The following TREM1 variants were observed in gnomAD, a reference collection of about 807,000 sequenced individuals.
TREM1 encodes the protein triggering receptor expressed on myeloid cells 1, also known as triggering receptor expressed on monocytes 1.
Under a neutral mutation model 22.4 loss-of-function variants are expected in TREM1, and 16 were observed. The ratio of observed to expected loss-of-function variants is 0.71; its 90% CI spans 0.48 to 1.08. The LOEUF (loss-of-function observed/expected upper bound fraction) is 1.08, where lower values mean the gene tolerates loss of function less well. TREM1 is among the 50% of genes least tolerant of loss of function. The pLI is 0.00. For missense variants in TREM1, 283 were observed against 282.9 expected, an observed-to-expected ratio of 1.00 and a Z score of 0.00; for synonymous variants, 110 against 111.6, an observed-to-expected ratio of 0.99 and a Z score of 0.09.
chr6:41,268,222 G>A, intron 3 of TREM1: 1 of 397,062 alleles, frequency 2.5e-6, no homozygotes, highest in Non-Finnish European at 4.4e-6. Flanking sequence ...ATCTGTACGG[G>A]ATGCTGCTTC....
chr6:41,277,736 A>G (rs1767728024), intron 3 of TREM1, among the ~76,000 whole-genome samples: 1 of 152,040 alleles, frequency 6.6e-6, no homozygotes, highest in South Asian at 2.1e-4. Flanking sequence ...TTATAGGGAC[A>G]ACTCCAAATG....
chr6:41,270,183 T>C (rs932534324), downstream of TREM1: 2 of 152,204 alleles, frequency 1.3e-5, no homozygotes, highest in Non-Finnish European at 2.9e-5. Context: ...TCTGTCCTTC[T>C]AGCAGGCACA....
chr6:41,278,953 G>C (rs550519427), intron 3 of TREM1, among the ~76,000 whole-genome samples: 126 of 152,216 alleles, frequency 8.3e-4, no homozygotes, highest in African/African-American at 2.9e-3. Context: ...AAACTCCTGG[G>C]GCTGGGGTCA....
intron 2 of TREM1, chr6:41,281,391 G>A: frequency 1.6e-5 from 8 of 504,026 alleles, no homozygotes; most frequent in South Asian, 3.1e-5. Context: ...AAAAAGGAAA[G>A]AAGAAAAAAA....
In TREM1 at chr6:41,278,647, A is replaced by G. The variant is rs532588926; in HGVS notation, c.599+2314T>C. On this transcript the variant is annotated intron_variant, in intron 3 of 3. Coordinates refer to ENST00000244709, the MANE Select transcript of TREM1 (RefSeq NM_018643.5). ...ACTCCAGCCTGATTGACAGAGTGAG[A>G]CCGTGTCTCAAAAAAAAAAAGAAAA... is the stretch of plus-strand genomic sequence containing the variant. 6.4e-3 allele frequency among the ~76,000 whole-genome samples: 969 copies of G among 150,480 alleles called. 7 individuals carry two copies. The highest frequency in any genetic ancestry group is 0.023 in the African/African-American group (917 of 40,578).
Position 41,276,234 on chromosome 6 carries a change from C to A in TREM1, c.600-4G>T, listed in dbSNP as rs773665555. 2 of 1,612,042 alleles carry A rather than the reference C, an allele frequency of 1.2e-6. No individual in the cohort carries two copies. The highest frequency in any genetic ancestry group is 1.1e-5 in the South Asian group (1 of 91,012). On this transcript the variant is annotated splice_region_variant and splice_polypyrimidine_tract_variant and intron_variant, in intron 3 of 3. Transcript: ENST00000244709. ...GACAATGTTGAACACCGGAACCCTG[C>A]GGGAGACAAGAGGCTGAACGCTACT...
At chr6:41,268,025 C>A (rs1026309806) in exon 4 of TREM1, 3 of 398,504 alleles carry the variant, frequency 7.5e-6, no homozygotes, top group Admixed American at 4.4e-5. Flanking sequence ...GCCCAGTGTG[C>A]AGTGGTGGGA....
chr6:41,277,217 G>A lies in TREM1; in HGVS notation c.600-987C>T, dbSNP rs963083734. On this transcript the variant is annotated intron_variant, in intron 3 of 3. Coordinates refer to ENST00000244709, the MANE Select transcript of TREM1 (RefSeq NM_018643.5). ...ACAAACTAGCAAAGAGGGAAACGGCGTAAAGGAGCTAGAAAGCAGAAAACT... is the reference window on the plus strand; with the variant it reads ...ACAAACTAGCAAAGAGGGAAACGGCATAAAGGAGCTAGAAAGCAGAAAACT... 3.3e-5 allele frequency among the ~76,000 whole-genome samples: 5 copies of A among 152,268 alleles called. No homozygotes were observed. In the East Asian group the frequency reaches 7.7e-4, roughly 23 times the overall value.
At chr6:41,268,539 C>T (rs893381594) in intron 3 of TREM1, among the ~76,000 whole-genome samples, 3 of 152,142 alleles carry the variant, frequency 2.0e-5, no homozygotes, top group Non-Finnish European at 4.4e-5. Context: ...GAAATATAGG[C>T]CTTTATTTCC....
downstream of TREM1, among the ~76,000 whole-genome samples, chr6:41,269,173 T>C (rs1010502120): frequency 1.1e-4 from 16 of 152,310 alleles, no homozygotes; most frequent in African/African-American, 3.6e-4. Context: ...GCAAAAGCAC[T>C]GAGCTCCACC....
In TREM1 at chr6:41,274,671, T is replaced by A. The variant is rs56087933; in HGVS notation, c.*1454A>T. 6.6e-6 allele frequency among the ~76,000 whole-genome samples: 1 copy of A among 152,068 alleles called. No individual in the cohort carries two copies. The highest frequency in any genetic ancestry group is 6.6e-5 in the Admixed American group (1 of 15,262). ...CACACACCTTCTAATGGGCTCAAAATTGCGGTTCAGAAATCATCTCTCTAG... is the reference window on the plus strand; with the variant it reads ...CACACACCTTCTAATGGGCTCAAAAATGCGGTTCAGAAATCATCTCTCTAG... On this transcript the variant is annotated 3_prime_UTR_variant, in exon 4 of 4. Transcript: ENST00000244709.
At chr6:41,280,753 G>T in intron 3 of TREM1, 2 of 1,443,416 alleles carry the variant, frequency 1.4e-6, no homozygotes, top group Non-Finnish European at 1.8e-6. Flanking sequence ...AGGTGAACTG[G>T]GGAGAAGGAC....
At chr6:41,270,653 C>A (rs895909018), downstream of TREM1, among the ~76,000 whole-genome samples, 1 of 152,200 alleles carries the variant, frequency 6.6e-6, no homozygotes, top group African/African-American at 2.4e-5. Flanking sequence ...CACCCATTTT[C>A]TATTCCACAT....
chr6:41,284,167 C>T (rs1768059928), intron 1 of TREM1, among the ~76,000 whole-genome samples: 1 of 152,062 alleles, frequency 6.6e-6, no homozygotes, highest in Admixed American at 6.6e-5. Flanking sequence ...TTGCTCCCCG[C>T]CACAACTCTC....
chr6:41,283,752 C>T (rs189861811), intron 1 of TREM1, among the ~76,000 whole-genome samples: 3 of 151,224 alleles, frequency 2.0e-5, no homozygotes, highest in Admixed American at 1.3e-4. Context: ...ACACAAAGTA[C>T]CCCATCTCCC....
intron 2 of TREM1, chr6:41,282,022 G>A (rs899155530): frequency 8.8e-6 from 2 of 227,346 alleles, no homozygotes; most frequent in African/African-American, 4.5e-5. Flanking sequence ...CAGGTGGTCT[G>A]TGCCCACAGA....
At chr6:41,282,800 C>G (rs1259538004) in intron 1 of TREM1, 49 bp from the exon 2 acceptor site, 1 of 1,502,110 alleles carries the variant, frequency 6.7e-7, no homozygotes. Flanking sequence ...ATTTTTCTCT[C>G]TCTGAGTGGG....
Position 41,275,806 on chromosome 6 carries a change from A to C in TREM1, c.*319T>G. The C allele has an allele frequency of 2.7e-6, 1 of 366,204 alleles. No individual in the cohort carries two copies. Among genetic ancestry groups the C allele is most frequent in the South Asian group, 2.7e-5 (1 of 37,366 alleles). The allele number at this position is 366,204 out of a possible 1,614,324, so 22.7% of individuals were successfully genotyped here. On this transcript the variant is annotated 3_prime_UTR_variant, in exon 4 of 4. Transcript: ENST00000244709. The stretch of plus-strand genomic sequence containing the variant: ...GTATCAGGTGTGCCTTCTGCATGTC[A>C]CAGCCCCCACAAGAGAATTACGGTG...
At chr6:41,284,131 A>G (rs1768057026) in intron 1 of TREM1, among the ~76,000 whole-genome samples, 1 of 152,088 alleles carries the variant, frequency 6.6e-6, no homozygotes, top group Non-Finnish European at 1.5e-5. Context: ...GAGTCACAGC[A>G]GTGGTTCTCC....
Sources: gnomAD v4.1 joint callset for allele counts (sites outside exome capture counted in the v4.1 genomes callset) on GRCh38, gnomAD v4.1.1 for gene constraint, MANE v1.5 for transcripts, NCBI Gene and HGNC (gene_info 2026-07-23, HGNC 2026-07-21) for gene names.